MAP3K19: variants seen among roughly 807,000 people sequenced by gnomAD.
The protein encoded by MAP3K19 is SPS1/STE20-related protein kinase YSK4.
In MAP3K19, 91 loss-of-function variants were observed where a neutral mutation model predicts 114.4. That is an observed-to-expected ratio of 0.80 (90% CI 0.67 to 0.95). The LOEUF (loss-of-function observed/expected upper bound fraction) is 0.95. Among genes scored for constraint, MAP3K19 ranks in the 40% least tolerant of loss-of-function variants. MAP3K19 has a pLI of 0.00. For missense variants in MAP3K19, 1,471 were observed against 1,573.2 expected, an observed-to-expected ratio of 0.94 and a Z score of 1.10; for synonymous variants, 518 against 530.5, an observed-to-expected ratio of 0.98 and a Z score of 0.32.
intron 8 of MAP3K19, among the ~76,000 whole-genome samples, chr2:134,994,714 C>T (rs943480096): frequency 6.6e-6 from 1 of 152,212 alleles, no homozygotes; most frequent in Non-Finnish European, 1.5e-5. Context: ...GGGAATCCCT[C>T]TATCAATCGT....
At chr2:135,044,691 A>G (rs1688705340) in intron 1 of MAP3K19, among the ~76,000 whole-genome samples, 1 of 152,174 alleles carries the variant, frequency 6.6e-6, no homozygotes. Flanking sequence ...CCTTAGCTAG[A>G]TGGGGATGAG....
In MAP3K19 at chr2:134,985,852, C is replaced by G. The variant is rs1173756000; in HGVS notation, c.3020G>C (p.Arg1007Thr). Residue 1007 changes from arginine to threonine, a missense_variant, in exon 10 of 13, where the codon AGA (arginine) becomes ACA (threonine). Transcript: ENST00000392915. ...GCCCATTTCTTTTGGGGTACTTCCT[C>G]TCCATCTGAGGACAAGATTTAGGTT... is the stretch of plus-strand genomic sequence containing the variant. ...PENLNLVLRWRGSTPKEMGRE... is the reference protein window; with the variant it reads ...PENLNLVLRWTGSTPKEMGRE... The G allele has an allele frequency of 2.7e-5, 44 of 1,613,418 alleles. No homozygotes were observed. The highest frequency in any genetic ancestry group is 3.6e-5 in the Non-Finnish European group (43 of 1,179,874).
intron 9 of MAP3K19, among the ~76,000 whole-genome samples, chr2:134,990,792 A>C (rs1685513708): frequency 6.6e-6 from 1 of 152,126 alleles, no homozygotes; most frequent in African/African-American, 2.4e-5. Flanking sequence ...TTTTCTTAAT[A>C]ACATTTTATT....
At chr2:135,014,403 TC>T (rs1687448485) in intron 5 of MAP3K19, among the ~76,000 whole-genome samples, 1 of 151,616 alleles carries the variant, frequency 6.6e-6, no homozygotes, top group South Asian at 2.1e-4. Context: ...TTGTCCAGGC[TC>T]GTCTCAAACT....
chr2:134,968,460 C>T (rs1474331433), intron 12 of MAP3K19, among the ~76,000 whole-genome samples: 134 of 123,652 alleles, frequency 1.1e-3, no homozygotes, highest in Middle Eastern at 5.0e-3. Flanking sequence ...CCCTCACCTC[C>T]CGGATGGGGT....
chr2:134,967,504 G>T (rs534525611), intron 12 of MAP3K19, among the ~76,000 whole-genome samples: 2 of 152,356 alleles, frequency 1.3e-5, no homozygotes, highest in Non-Finnish European at 2.9e-5. Flanking sequence ...CCGCCCTATG[G>T]TGGGAGGTGA....
At chr2:135,042,544 A>G (rs1358380102) in intron 1 of MAP3K19, among the ~76,000 whole-genome samples, 1 of 151,912 alleles carries the variant, frequency 6.6e-6, no homozygotes, top group Non-Finnish European at 1.5e-5. Context: ...AAAAAGAAAA[A>G]AGAAAGAAGG....
intron 3 of MAP3K19, among the ~76,000 whole-genome samples, chr2:135,029,223 AAAATT>A (rs1358070164): frequency 9.9e-5 from 15 of 152,004 alleles, no homozygotes; most frequent in Non-Finnish European, 1.5e-5. Context: ...ATACAAAAAT[AAAATT>A]AGACGGGCAT....
chr2:134,985,720 T>A, intron 10 of MAP3K19, 80 bp downstream of exon 10: 1 of 1,246,854 alleles, frequency 8.0e-7, no homozygotes, highest in South Asian at 1.5e-5. Context: ...TAATTCCTCA[T>A]TTGAAAATAA....
chr2:134,978,761 C>T (rs751456359), intron 12 of MAP3K19, among the ~76,000 whole-genome samples: 7 of 152,230 alleles, frequency 4.6e-5, no homozygotes, highest in Non-Finnish European at 7.3e-5. Context: ...CCACCATCAG[C>T]ATCCAAGCTC....
Position 134,981,300 on chromosome 2 carries a change from T to C in MAP3K19, c.3441A>G (p.Ser1147=). The C allele has an allele frequency of 6.2e-7, 1 of 1,614,266 alleles. No homozygotes were observed. The highest frequency in any genetic ancestry group is 8.5e-7 in the Non-Finnish European group (1 of 1,180,048). The part of the protein sequence containing the change: ...SIFMEFVPGG[S]ISSIINRFGP... ...CAAAACGGTTTATAATACTAGAGAT[T>C]GAGCCACCAGGAACAAACTCCATGA... The change falls in exon 12 of 13, where the codon TCA becomes TCG. Residue 1147 remains serine, a synonymous_variant. Coordinates refer to ENST00000392915, the MANE Select transcript of MAP3K19 (RefSeq NM_025052.5).
At chr2:134,970,889 G>A (rs1197859268) in intron 12 of MAP3K19, among the ~76,000 whole-genome samples, 6 of 152,056 alleles carry the variant, frequency 3.9e-5, no homozygotes, top group East Asian at 1.9e-4. Context: ...GAGCCACTGC[G>A]CCCAGCCTGA....
chr2:134,994,273 C>T (rs1685830226), intron 8 of MAP3K19, among the ~76,000 whole-genome samples: 1 of 152,162 alleles, frequency 6.6e-6, no homozygotes, highest in African/African-American at 2.4e-5. Flanking sequence ...CCAATGCTTG[C>T]AAGGGGACAG....
At chr2:135,027,547 T>C (rs1688288510) in intron 3 of MAP3K19, among the ~76,000 whole-genome samples, 1 of 152,124 alleles carries the variant, frequency 6.6e-6, no homozygotes, top group Admixed American at 6.5e-5. Flanking sequence ...CATGATGCCT[T>C]AGGAGCTGGG....
At chr2:134,968,292 T>C (rs868752560) in intron 12 of MAP3K19, among the ~76,000 whole-genome samples, 2 of 151,986 alleles carry the variant, frequency 1.3e-5, no homozygotes, top group Non-Finnish European at 2.9e-5. Context: ...ATCCGATTTC[T>C]CAGTCTTTTC....
intron 5 of MAP3K19, among the ~76,000 whole-genome samples, chr2:135,013,661 A>G (rs2105343201): frequency 6.6e-6 from 1 of 152,190 alleles, no homozygotes; most frequent in South Asian, 2.1e-4. Context: ...CCTTTTATTT[A>G]AAGCCTAAAT....
intron 8 of MAP3K19, among the ~76,000 whole-genome samples, chr2:134,994,228 A>G (rs1224383121): frequency 6.6e-6 from 1 of 152,244 alleles, no homozygotes; most frequent in Non-Finnish European, 1.5e-5. Flanking sequence ...TGGACGAATA[A>G]TAACTGATTG....
Position 134,980,920 on chromosome 2 carries a change from G to A in MAP3K19, c.3821C>T (p.Ala1274Val), listed in dbSNP as rs748815304. ...GTGTGCTCCGATGTAAAACATGGCG[G>A]CCATCCTGTCCATGGAAGCCAGTGG... The part of the protein sequence containing the change: ...KPPLASMDRM[A>V]AMFYIGAHRG... Residue 1274 changes from alanine (A) to valine (V), a missense_variant, in exon 12 of 13, where the codon GCC becomes GTC. Ala to Val is a moderately conservative substitution (Grantham distance 64). Transcript: ENST00000392915. The A allele has an allele frequency of 2.0e-5, 32 of 1,614,090 alleles. No individual in the cohort carries two copies. The highest frequency in any genetic ancestry group is 2.5e-5 in the Non-Finnish European group (29 of 1,180,056).
At chr2:134,977,405 C>T (rs891833562) in intron 12 of MAP3K19, among the ~76,000 whole-genome samples, 3 of 136,764 alleles carry the variant, frequency 2.2e-5, no homozygotes, top group African/African-American at 8.2e-5. Flanking sequence ...CTCTGTCACC[C>T]AGGCTGGAGT....
Sources: gnomAD v4.1 joint callset for allele counts (sites outside exome capture counted in the v4.1 genomes callset) on GRCh38, gnomAD v4.1.1 for gene constraint, MANE v1.5 for transcripts, NCBI Gene and HGNC (gene_info 2026-07-23, HGNC 2026-07-21) for gene names.